The following CDC25A variants were observed in gnomAD, a reference collection of about 807,000 sequenced individuals.
The protein encoded by CDC25A is M-phase inducer phosphatase 1.
A neutral mutation model predicts 64.6 loss-of-function variants in CDC25A; 17 were observed. The ratio of observed to expected loss-of-function variants is 0.26; its 90% CI spans 0.18 to 0.39. The LOEUF is 0.39. Ranked by LOEUF, CDC25A falls within the 10% of genes least tolerant of loss-of-function variation. The pLI is 1.00. For missense variants in CDC25A, 473 were observed against 654.8 expected, an observed-to-expected ratio of 0.72 and a Z score of 3.03; for synonymous variants, 229 against 238.6, an observed-to-expected ratio of 0.96 and a Z score of 0.37.
chr3:48,186,839 C>T, intron 1 of CDC25A, 60 bp from the exon 2 acceptor site: 1 of 1,120,650 alleles, frequency 8.9e-7, no homozygotes. Flanking sequence ...AGGTCACATG[C>T]AGGAGATAGG....
rs774254706 is a variant in CDC25A at position 48,158,897 on chromosome 3, AG to A, written c.*47del. ...AGTTTCTCTGCAGCAAAGAGGGTAA[AG>A]GGGGATGGAGGGAAGCTTGGGCTGC... On this transcript the variant is annotated 3_prime_UTR_variant, in exon 15 of 15. Transcript: ENST00000302506. 6.2e-7 allele frequency: 1 copy of A among 1,608,856 alleles called. No individual in the cohort carries two copies. The highest frequency in any genetic ancestry group is 8.5e-7 in the Non-Finnish European group (1 of 1,176,996).
chr3:48,180,536 A>C (rs2032626636), intron 6 of CDC25A, 185 bp downstream of exon 6: 1 of 547,008 alleles, frequency 1.8e-6, no homozygotes, highest in African/African-American at 1.9e-5. Flanking sequence ...TCCCACTCTT[A>C]CTACCGCCTG....
intron 9 of CDC25A, among the ~76,000 whole-genome samples, chr3:48,173,686 G>A (rs1488997993): frequency 1.3e-5 from 2 of 152,210 alleles, no homozygotes; most frequent in Non-Finnish European, 1.5e-5. Flanking sequence ...CACCCAAGGT[G>A]TCAATGGAGT....
At chr3:48,174,696 G>A (rs780572567) in intron 8 of CDC25A, 4 of 339,080 alleles carry the variant, frequency 1.2e-5, no homozygotes, top group Non-Finnish European at 2.1e-5. Context: ...TGAGCAAAAC[G>A]TCCTTTGCCC....
At chr3:48,186,885 C>G in intron 1 of CDC25A, 106 bp from the exon 2 acceptor site, 1 of 732,426 alleles carries the variant, frequency 1.4e-6, no homozygotes, top group Non-Finnish European at 2.3e-6. Context: ...TGCCAGAAAC[C>G]ATTTCTAGGC....
At chr3:48,166,570 G>A (rs759442577) in intron 10 of CDC25A, among the ~76,000 whole-genome samples, 1 of 152,166 alleles carries the variant, frequency 6.6e-6, no homozygotes, top group African/African-American at 2.4e-5. Flanking sequence ...CTGAGCACCT[G>A]CTATGTCCAG....
At chr3:48,187,425 A>C (rs2032880850) in intron 1 of CDC25A, among the ~76,000 whole-genome samples, 1 of 152,252 alleles carries the variant, frequency 6.6e-6, no homozygotes, top group Non-Finnish European at 1.5e-5. Context: ...GCAAAGGGTG[A>C]AAGTGAGTGC....
At position 48,158,794 on chromosome 3, in the gene CDC25A, G is replaced by A; in HGVS notation, c.*151C>T. 1.1e-6 allele frequency: 1 copy of A among 907,210 alleles called. No individual in the cohort carries two copies. 56.2% of individuals were successfully genotyped at this position (907,210 alleles called of 1,614,324 possible). A position where few individuals can be genotyped will look rare whatever the true frequency, so the allele number is the denominator to read the frequency against. On this transcript the variant is annotated 3_prime_UTR_variant, in exon 15 of 15. Coordinates refer to ENST00000302506, the MANE Select transcript of CDC25A (RefSeq NM_001789.3). Reference sequence around the variant, plus strand: ...CAAGATGCCCTGGGCTCCAACCTTGGGAGTGTGGGAGGTAGGTTTAAGGCA... The same window carrying A: ...CAAGATGCCCTGGGCTCCAACCTTGAGAGTGTGGGAGGTAGGTTTAAGGCA...
At position 48,188,191 on chromosome 3, in the gene CDC25A, C is replaced by T. The variant is rs962869969; in HGVS notation, c.-244G>A. ...GTGCTTCCCTCTCACACCGCGAGGC[C>T]AGCGGGCGGGCGGGCGCCGGCAACC... On this transcript the variant is annotated 5_prime_UTR_variant, in exon 1 of 15. Transcript: ENST00000302506. 2 of 339,230 alleles carry T rather than the reference C, an allele frequency of 5.9e-6. No individual in the cohort carries two copies. Among genetic ancestry groups the T allele is most frequent in the Non-Finnish European group, 1.1e-5 (2 of 188,988 alleles). The allele number at this position is 339,230 out of a possible 1,614,324, so 21.0% of individuals were successfully genotyped here.
intron 2 of CDC25A, among the ~76,000 whole-genome samples, chr3:48,185,063 T>G (rs3731497): frequency 0.22 from 33,232 of 152,056 alleles, 4,409 homozygotes; most frequent in Non-Finnish European, 0.3. Context: ...GGTACCAGAT[T>G]TTCTTGGCAT....
chr3:48,187,738 G>A (rs1489884054), intron 1 of CDC25A, 40 bp downstream of exon 1: 1 of 1,519,464 alleles, frequency 6.6e-7, no homozygotes, highest in Non-Finnish European at 8.9e-7. Context: ...CCGACACCGA[G>A]GCCAGGGGCC....
rs2032916458 is a variant in CDC25A, at chr3:48,188,085, GGACGCGGCTGCCGCGGGCAAGC to G, written c.-160_-139del. ...ACACAAACACGACTCCGCGGTTCAG[GGACGCGGCTGCCGCGGGCAAGC>G]GGCGCGGCCGGGCGGGTGTGCGGAC... On this transcript the variant is annotated 5_prime_UTR_variant, in exon 1 of 15. Coordinates refer to ENST00000302506, the MANE Select transcript of CDC25A (RefSeq NM_001789.3). 1 of 683,302 alleles carries G rather than the reference GGACGCGGCTGCCGCGGGCAAGC, an allele frequency of 1.5e-6. No individual in the cohort carries two copies. The highest frequency in any genetic ancestry group is 2.0e-6 in the Non-Finnish European group (1 of 493,040). 42.3% of individuals were successfully genotyped at this position (683,302 alleles called of 1,614,324 possible). A position where few individuals can be genotyped will look rare whatever the true frequency, so the allele number is the denominator to read the frequency against.
At chr3:48,159,485 G>T (rs774187982) in intron 13 of CDC25A, 30 bp from the exon 14 acceptor site, 1 of 1,525,888 alleles carries the variant, frequency 6.6e-7, no homozygotes, top group Non-Finnish European at 9.1e-7. Flanking sequence ...CCAAAGCAGG[G>T]TTAGCTTTTC....
chr3:48,174,507 C>G, intron 8 of CDC25A, 50 bp from the exon 9 acceptor site: 1 of 1,547,448 alleles, frequency 6.5e-7, no homozygotes, highest in Non-Finnish European at 8.8e-7. Context: ...AACCTGTTCA[C>G]TTGAATGGTA....
chr3:48,165,845 T>C lies in CDC25A; in HGVS notation c.1078A>G (p.Ile360Val). The change falls in exon 11 of 15, where the codon ATC (isoleucine) becomes GTC (valine). Residue 360 changes from isoleucine to valine, a missense_variant. Ile to Val is a conservative substitution (Grantham distance 29, BLOSUM62 3). Around this residue, in one of 2 missense-constraint regions of CDC25A, gnomAD observed 97 missense variants for 223.0 expected, o/e 0.43. Coordinates refer to ENST00000302506, the MANE Select transcript of CDC25A (RefSeq NM_001789.3). Reference protein sequence around the residue: ...VAGKHQDLKYISPEIMASVLN... With the variant: ...VAGKHQDLKYVSPEIMASVLN... ...GATGGACTTACAATTTCTGGAGAGA[T>C]GTATTTTAAATCCTGATGTTTCCCA... 6.2e-7 allele frequency: 1 copy of C among 1,609,758 alleles called. No individual in the cohort carries two copies. The highest frequency in any genetic ancestry group is 8.5e-7 in the Non-Finnish European group (1 of 1,175,960).
chr3:48,170,051 G>A (rs895353513), intron 9 of CDC25A, among the ~76,000 whole-genome samples: 1 of 151,754 alleles, frequency 6.6e-6, no homozygotes, highest in Non-Finnish European at 1.5e-5. Context: ...ATTTAGCCCT[G>A]TATGATATGT....
In CDC25A at chr3:48,162,843, G is replaced by A. The variant is rs533736762; in HGVS notation, c.1322+1464C>T. Among the ~76,000 whole-genome samples, 11 of 147,404 alleles carry A rather than the reference G, an allele frequency of 7.5e-5. No individual in the cohort carries two copies. The South Asian group carries it at 8.6e-4, about 11-fold the overall frequency. ...AGCCTGGGTGACAGAGCGAGACTCC[G>A]TCTCAAAAAAAAAAAAAGGTTCAAA... On this transcript the variant is annotated intron_variant, in intron 13 of 14. Transcript: ENST00000302506.
intron 5 of CDC25A, chr3:48,181,639 G>C: frequency 1.5e-6 from 2 of 1,306,030 alleles, no homozygotes; most frequent in Non-Finnish European, 1.1e-6. Flanking sequence ...TAGACAGAAA[G>C]AGTGATGAAC....
At chr3:48,182,189 G>A (rs1025946498) in intron 5 of CDC25A, among the ~76,000 whole-genome samples, 1 of 152,166 alleles carries the variant, frequency 6.6e-6, no homozygotes, top group African/African-American at 2.4e-5. Context: ...TTCCCAGGTT[G>A]ATAAAGAAAT....
Sources: gnomAD v4.1 joint callset for allele counts (sites outside exome capture counted in the v4.1 genomes callset) on GRCh38, gnomAD v4.1.1 for gene constraint, gnomAD v4.1.1 regional missense constraint, MANE v1.5 for transcripts, NCBI Gene and HGNC (gene_info 2026-07-23, HGNC 2026-07-21) for gene names.